Variants in RAD54L2 observed in about 807,000 individuals in gnomAD.
RAD54L2 encodes RAD54 like 2.
A neutral mutation model predicts 138.4 loss-of-function variants in RAD54L2; 27 were observed. The observed-to-expected ratio is 0.20, with a 90% CI of 0.14 to 0.27. The LOEUF (loss-of-function observed/expected upper bound fraction) is 0.27. Among genes scored for constraint, RAD54L2 ranks in the 10% least tolerant of loss-of-function variants. The pLI is 1.00. For synonymous variants in RAD54L2, 644 were observed against 723.2 expected (o/e 0.89, Z 1.76); for missense variants, 1,396 against 1,890.2 (o/e 0.74, Z 4.85).
chr3:51,593,976 G>A (rs1699897472), intron 3 of RAD54L2, among the ~76,000 whole-genome samples: 1 of 150,462 alleles, frequency 6.6e-6, no homozygotes, highest in South Asian at 2.1e-4. Flanking sequence ...GCATTTAAAG[G>A]TATAATTTTC....
intron 3 of RAD54L2, among the ~76,000 whole-genome samples, chr3:51,603,398 G>C (rs1700116074): frequency 6.6e-6 from 1 of 152,120 alleles, no homozygotes; most frequent in African/African-American, 2.4e-5. Flanking sequence ...TTGAAGTTGG[G>C]AGTTTGAGAT....
At chr3:51,617,050 G>T (rs375536252) in intron 3 of RAD54L2, among the ~76,000 whole-genome samples, 1 of 152,096 alleles carries the variant, frequency 6.6e-6, no homozygotes, top group Non-Finnish European at 1.5e-5. Flanking sequence ...GTTGTTGCAC[G>T]TGTCCATAGT....
At chr3:51,659,098 G>GTTTTTTT (rs1014568687) in intron 21 of RAD54L2, among the ~76,000 whole-genome samples, 25 of 75,032 alleles carry the variant, frequency 3.3e-4, no homozygotes, top group African/African-American at 5.0e-4. Context: ...TCCGGCTCTT[G>GTTTTTTT]TTTTTTTTTT....
intron 19 of RAD54L2, among the ~76,000 whole-genome samples, chr3:51,654,090 C>T (rs1333723648): frequency 6.6e-6 from 1 of 152,038 alleles, no homozygotes; most frequent in Non-Finnish European, 1.5e-5. Context: ...CTCTGTTGCC[C>T]AGGCTGGAGT....
chr3:51,658,652 G>A (rs1701671061), intron 21 of RAD54L2, among the ~76,000 whole-genome samples: 1 of 152,128 alleles, frequency 6.6e-6, no homozygotes, highest in South Asian at 2.1e-4. Flanking sequence ...GTTCAGTAAG[G>A]AGATTTTGCC....
intron 3 of RAD54L2, among the ~76,000 whole-genome samples, chr3:51,599,501 C>A (rs1700035293): frequency 6.6e-6 from 1 of 151,756 alleles, no homozygotes; most frequent in Admixed American, 6.6e-5. Context: ...ACAATCAAAC[C>A]TGAATAAAGG....
intron 3 of RAD54L2, among the ~76,000 whole-genome samples, chr3:51,599,119 T>C (rs1365088109): frequency 6.6e-6 from 1 of 152,174 alleles, no homozygotes; most frequent in Non-Finnish European, 1.5e-5. Context: ...GGAGGACACC[T>C]AGCTGATACC....
chr3:51,633,283 A>G (rs1700894874), intron 7 of RAD54L2, among the ~76,000 whole-genome samples: 1 of 152,172 alleles, frequency 6.6e-6, no homozygotes, highest in Non-Finnish European at 1.5e-5. Context: ...TGAGCTTTCC[A>G]ATGCTGAGGG....
At chr3:51,589,018 A>G (rs1319608005) in intron 2 of RAD54L2, among the ~76,000 whole-genome samples, 4 of 152,020 alleles carry the variant, frequency 2.6e-5, no homozygotes, top group African/African-American at 9.7e-5. Context: ...CACCAGCCCT[A>G]AGTATTCCCT....
At chr3:51,648,898 C>T (rs964404445) in intron 19 of RAD54L2, among the ~76,000 whole-genome samples, 1 of 152,112 alleles carries the variant, frequency 6.6e-6, no homozygotes, top group African/African-American at 2.4e-5. Context: ...CTCTTCTCCT[C>T]CAAAGGATCA....
chr3:51,575,859 C>T (rs1168354563), intron 2 of RAD54L2, among the ~76,000 whole-genome samples: 1 of 152,138 alleles, frequency 6.6e-6, no homozygotes, highest in Non-Finnish European at 1.5e-5. Flanking sequence ...TGCCTGATTG[C>T]CCTGGCCAGA....
rs1024440583 is a variant in RAD54L2, at chr3:51,590,559, G to T, written c.139G>T (p.Asp47Tyr). ...GGATGATGAAGAAGACCTGCTGGAT[G>T]GTAAGTGGGCTCTATTGAGTGACAG... ...DRDDEEDLLD[D>Y]PSLEGMCGTE... Residue 47 changes from aspartate (D) to tyrosine (Y), a missense_variant and splice_region_variant, in exon 3 of 23, where the codon GAC (aspartate) becomes TAC (tyrosine). Coordinates refer to ENST00000684192, the MANE Select transcript of RAD54L2 (RefSeq NM_015106.4). The T allele has an allele frequency of 1.9e-6, 3 of 1,552,382 alleles. No individual in the cohort carries two copies. The South Asian group carries it at 3.6e-5, about 18-fold the overall frequency.
intron 3 of RAD54L2, among the ~76,000 whole-genome samples, chr3:51,619,303 T>C (rs1700517598): frequency 6.6e-6 from 1 of 152,198 alleles, no homozygotes; most frequent in South Asian, 2.1e-4. Context: ...GTGATCCGTC[T>C]GCCTTGGCCT....
Position 51,663,489 on chromosome 3 carries a change from T to A in RAD54L2, c.*69T>A, listed in dbSNP as rs1174578527. 1 of 1,512,772 alleles carries A rather than the reference T, an allele frequency of 6.6e-7. No individual in the cohort carries two copies. The highest frequency in any genetic ancestry group is 1.4e-5 in the African/African-American group (1 of 71,900). 93.7% of individuals were successfully genotyped at this position (1,512,772 alleles called of 1,614,324 possible). On this transcript the variant is annotated 3_prime_UTR_variant, in exon 23 of 23. Coordinates refer to ENST00000684192, the MANE Select transcript of RAD54L2 (RefSeq NM_015106.4). ...GCCCACCAAGCTGAAAGGCAGTGAT[T>A]TAGACCTTTTGAGAATAGGACACTT...
chr3:51,565,441 TTG>T (rs1699193165), intron 2 of RAD54L2, among the ~76,000 whole-genome samples: 1 of 152,164 alleles, frequency 6.6e-6, no homozygotes, highest in African/African-American at 2.4e-5. Context: ...GTTTATATAC[TTG>T]TAGGTAGTGA....
At chr3:51,629,660 A>G (rs1458946318) in intron 5 of RAD54L2, among the ~76,000 whole-genome samples, 187 bp downstream of exon 5, 1 of 151,950 alleles carries the variant, frequency 6.6e-6, no homozygotes, top group Non-Finnish European at 1.5e-5. Context: ...GGAGTTCGAG[A>G]CCAGTCTGGC....
chr3:51,611,389 A>G (rs1450292715), intron 3 of RAD54L2: 1 of 152,090 alleles, frequency 6.6e-6, no homozygotes, highest in Admixed American at 6.6e-5. Context: ...CATCTCGTCA[A>G]GCATTTACTG....
Position 51,645,333 on chromosome 3 carries a change from C to G in RAD54L2, c.2656+104C>G. The G allele has an allele frequency of 8.1e-7, 1 of 1,228,470 alleles. No homozygotes were observed. The allele number at this position is 1,228,470 out of a possible 1,614,324, so 76.1% of individuals were successfully genotyped here. On this transcript the variant is annotated intron_variant, in intron 17 of 22. Coordinates refer to ENST00000684192, the MANE Select transcript of RAD54L2 (RefSeq NM_015106.4). This position sits in a 1 kb window ranked among gnomAD's most constrained non-coding sequence, Gnocchi z 6.1. ...AGGATATGGGAACACAGGCAGGCTTCGAGAAAGCCAGCATTTCCTCCTATC... is the reference window on the plus strand; with the variant it reads ...AGGATATGGGAACACAGGCAGGCTTGGAGAAAGCCAGCATTTCCTCCTATC...
chr3:51,576,125 G>T (rs1263437095), intron 2 of RAD54L2, among the ~76,000 whole-genome samples: 8 of 152,080 alleles, frequency 5.3e-5, no homozygotes, highest in Admixed American at 5.2e-4. Flanking sequence ...TTTGTCTTTG[G>T]TTCTGTTTAT....
Sources: gnomAD v4.1 joint callset for allele counts (sites outside exome capture counted in the v4.1 genomes callset) on GRCh38, gnomAD v4.1.1 for gene constraint, Gnocchi (gnomAD v3.1) non-coding constraint, MANE v1.5 for transcripts, NCBI Gene and HGNC (gene_info 2026-07-23, HGNC 2026-07-21) for gene names.